Variants in SAMMSON observed in about 807,000 individuals in gnomAD.
The protein encoded by SAMMSON is survival associated mitochondrial melanoma specific oncogenic non-coding RNA.
At chr3:70,331,243 T>C (rs185027655) in intron 7 of SAMMSON, among the ~76,000 whole-genome samples, 86 of 152,332 alleles carry the variant, frequency 5.6e-4, no homozygotes, top group African/African-American at 2.0e-3. Flanking sequence ...CAATGCATGA[T>C]TTCCTGCCGA....
intron 6 of SAMMSON, among the ~76,000 whole-genome samples, chr3:70,254,246 T>G (rs1355607098): frequency 6.6e-6 from 1 of 152,200 alleles, no homozygotes; most frequent in East Asian, 1.9e-4. Context: ...TTCTGTTAAG[T>G]TTAATGGATA....
intron 4 of SAMMSON, among the ~76,000 whole-genome samples, chr3:70,180,126 A>C (rs1213138719): frequency 6.6e-6 from 1 of 152,088 alleles, no homozygotes; most frequent in Non-Finnish European, 1.5e-5. Context: ...GTTGTCCTTA[A>C]AGAAAAAATG....
chr3:70,049,005 C>T (rs534858281), intron 3 of SAMMSON, among the ~76,000 whole-genome samples: 1 of 152,230 alleles, frequency 6.6e-6, no homozygotes, highest in South Asian at 2.1e-4. Flanking sequence ...AGGACTATAG[C>T]ACTGAGAATT....
At chr3:70,409,514 A>T (rs1701201776) in intron 2 of SAMMSON, among the ~76,000 whole-genome samples, 1 of 151,924 alleles carries the variant, frequency 6.6e-6, no homozygotes, top group African/African-American at 2.4e-5. Context: ...TAAAGTGTTG[A>T]TCATGGAATG....
intron 2 of SAMMSON, among the ~76,000 whole-genome samples, chr3:70,407,388 C>T (rs751202762): frequency 2.0e-5 from 3 of 152,136 alleles, no homozygotes; most frequent in African/African-American, 4.8e-5. Flanking sequence ...AAGACCCTTC[C>T]GCCTATGAGA....
chr3:70,302,022 T>A (rs1702353988), intron 7 of SAMMSON, among the ~76,000 whole-genome samples: 1 of 152,140 alleles, frequency 6.6e-6, no homozygotes, highest in South Asian at 2.1e-4. Context: ...GGTGTGGAAA[T>A]TTAGCTCAAG....
intron 4 of SAMMSON, among the ~76,000 whole-genome samples, chr3:70,217,477 G>A (rs1576158916): frequency 6.6e-6 from 1 of 152,172 alleles, no homozygotes; most frequent in Middle Eastern, 3.4e-3. Flanking sequence ...GTACCAAGAG[G>A]GATTGGGAGA....
chr3:70,056,329 CA>C (rs1419503685), intron 3 of SAMMSON, among the ~76,000 whole-genome samples: 1 of 151,972 alleles, frequency 6.6e-6, no homozygotes, highest in African/African-American at 2.4e-5. Flanking sequence ...GTAAACAAAA[CA>C]GACAAAAAGT....
chr3:70,072,705 G>A (rs1697522709), intron 4 of SAMMSON: 1 of 146,324 alleles, frequency 6.8e-6, no homozygotes, highest in African/African-American at 2.6e-5. Flanking sequence ...GTACAAAACA[G>A]GTGTTTGATG....
chr3:70,022,203 T>A (rs190562274), intron 3 of SAMMSON, among the ~76,000 whole-genome samples: 3 of 146,482 alleles, frequency 2.0e-5, no homozygotes, highest in Admixed American at 1.4e-4. Context: ...TTCAGGGGAT[T>A]CAAATGACAA....
intron 4 of SAMMSON, among the ~76,000 whole-genome samples, chr3:70,141,707 G>T (rs1172018917): frequency 6.6e-6 from 1 of 151,976 alleles, no homozygotes; most frequent in Admixed American, 6.6e-5. Flanking sequence ...ATGATCCTTT[G>T]GCAACCTTGT....
chr3:70,256,172 A>C (rs903841507), intron 6 of SAMMSON, among the ~76,000 whole-genome samples: 3 of 152,206 alleles, frequency 2.0e-5, no homozygotes, highest in Non-Finnish European at 2.9e-5. Flanking sequence ...TTTAAGATGG[A>C]TCCTTTTTAT....
intron 4 of SAMMSON, among the ~76,000 whole-genome samples, chr3:70,154,947 A>G (rs187502481): frequency 1.3e-5 from 2 of 152,074 alleles, no homozygotes; most frequent in Admixed American, 1.3e-4. Context: ...GAAACAGAAT[A>G]ATGTTTTAGG....
intron 3 of SAMMSON, among the ~76,000 whole-genome samples, chr3:70,023,582 A>T (rs1022046755): frequency 6.6e-6 from 1 of 152,122 alleles, no homozygotes; most frequent in African/African-American, 2.4e-5. Flanking sequence ...CAAAATTAAC[A>T]TCTGGGAGGC....
intron 4 of SAMMSON, among the ~76,000 whole-genome samples, chr3:70,143,298 T>TAA (rs34950693): frequency 5.1e-4 from 72 of 141,974 alleles, no homozygotes; most frequent in African/African-American, 1.6e-3. Context: ...TGAATTTTAG[T>TAA]AAAAAAAAAA....
chr3:70,355,243 T>G (rs1478130891), intron 8 of SAMMSON, among the ~76,000 whole-genome samples: 1 of 152,046 alleles, frequency 6.6e-6, no homozygotes, highest in Non-Finnish European at 1.5e-5. Flanking sequence ...CTCTACTAAG[T>G]TTCCAATCAA....
intron 3 of SAMMSON, among the ~76,000 whole-genome samples, chr3:70,038,645 A>G (rs893997548): frequency 6.6e-6 from 1 of 152,196 alleles, no homozygotes; most frequent in Non-Finnish European, 1.5e-5. Flanking sequence ...TATTCATTGT[A>G]AATACAGTTT....
At chr3:70,324,446 G>A (rs1248525036) in intron 7 of SAMMSON, among the ~76,000 whole-genome samples, 1 of 98,380 alleles carries the variant, frequency 1.0e-5, no homozygotes, top group Non-Finnish European at 2.3e-5. Context: ...ATTTAACTCC[G>A]TGGTCAAATA....
chr3:70,389,883 A>C (rs575764805), downstream of SAMMSON: 62 of 152,296 alleles, frequency 4.1e-4, no homozygotes, highest in African/African-American at 1.5e-3. Flanking sequence ...AAGTAGATTT[A>C]AGAAGAAATT....
Sources: allele counts gnomAD v4.1 joint callset (sites outside exome capture counted in the v4.1 genomes callset), GRCh38; gene constraint gnomAD v4.1.1; transcripts MANE v1.5; gene names NCBI Gene and HGNC (gene_info 2026-07-23, HGNC 2026-07-21).